ATG7: variants seen among roughly 807,000 people sequenced by gnomAD.
The protein encoded by ATG7 is autophagy related 7.
In ATG7, 70 loss-of-function variants were observed where a neutral mutation model predicts 82.4. That is an observed-to-expected ratio of 0.85 (90% CI 0.70 to 1.04). The LOEUF (loss-of-function observed/expected upper bound fraction) is 1.04. ATG7 is among the 50% of genes least tolerant of loss of function. The pLI is 0.00. For missense variants in ATG7, 792 were observed against 864.3 expected (o/e 0.92, Z 1.05); for synonymous variants, 287 against 313.0 (o/e 0.92, Z 0.88).
At chr3:11,307,144 C>T in intron 6 of ATG7, 84 bp downstream of exon 6, 1 of 1,251,924 alleles carries the variant, frequency 8.0e-7, no homozygotes, top group Non-Finnish European at 1.2e-6. Flanking sequence ...CATGGGTCTG[C>T]TGCAGAAACT....
intron 20 of ATG7, among the ~76,000 whole-genome samples, chr3:11,452,015 TG>T (rs968692370): frequency 1.7e-3 from 122 of 71,558 alleles, no homozygotes; most frequent in Non-Finnish European, 2.0e-3. Flanking sequence ...ACCAGGGACT[TG>T]GGGGGTTGGG....
intron 19 of ATG7, among the ~76,000 whole-genome samples, chr3:11,420,204 A>G (rs1303911650): frequency 6.6e-6 from 1 of 152,238 alleles, no homozygotes; most frequent in Non-Finnish European, 1.5e-5. Context: ...TTAACTTCAC[A>G]GCACATAAAA....
Position 11,423,586 on chromosome 3 carries a change from T to A in ATG7, c.1957-3218T>A, listed in dbSNP as rs1172832512. Among the ~76,000 whole-genome samples the A allele has an allele frequency of 2.0e-5, 3 of 152,232 alleles. No homozygotes were observed. The South Asian group carries it at 6.2e-4, about 32-fold the overall frequency. On this transcript the variant is annotated intron_variant, in intron 19 of 20. Coordinates refer to ENST00000693202, the MANE Select transcript of ATG7 (RefSeq NM_001349232.2). ...CATTCTGGTTTATAAGGAATCTTGTTATTACTGAGGAATTGAGTTATTTAT... is the reference window on the plus strand; with the variant it reads ...CATTCTGGTTTATAAGGAATCTTGTAATTACTGAGGAATTGAGTTATTTAT...
rs543292611 is a variant in ATG7, at chr3:11,527,157, T to C, written c.2080-27654T>C. 3.3e-5 allele frequency among the ~76,000 whole-genome samples: 5 copies of C among 150,886 alleles called. No homozygotes were observed. In the South Asian group the frequency reaches 1.0e-3, roughly 32 times the overall value. On this transcript the variant is annotated intron_variant, in intron 20 of 20. Coordinates refer to ENST00000693202, the MANE Select transcript of ATG7 (RefSeq NM_001349232.2). ...TCTCACTCTGTTGTCCAGGCTGGAGTACAGTAGCACGCTCTCGGCTCACTG... is the reference window on the plus strand; with the variant it reads ...TCTCACTCTGTTGTCCAGGCTGGAGCACAGTAGCACGCTCTCGGCTCACTG...
chr3:11,515,238 TG>T (rs2092232925), intron 20 of ATG7, among the ~76,000 whole-genome samples: 1 of 152,180 alleles, frequency 6.6e-6, no homozygotes. Context: ...CACTTTTCAG[TG>T]TGTTCATGTC....
the ATG7 span, among the ~76,000 whole-genome samples, chr3:11,573,035 G>T: frequency 2.0e-5 from 3 of 151,644 alleles, no homozygotes; most frequent in African/African-American, 4.8e-5. Context: ...GCTTGGTGGT[G>T]GGCGCCTGTA....
intron 18 of ATG7, among the ~76,000 whole-genome samples, chr3:11,378,325 A>T (rs541848022): frequency 3.0e-4 from 45 of 150,870 alleles, no homozygotes; most frequent in Middle Eastern, 6.8e-3. Context: ...CCAAATTTTT[A>T]AAATGTCTTT....
intron 15 of ATG7, 148 bp from the exon 16 acceptor site, chr3:11,360,433 G>T: frequency 2.8e-6 from 2 of 725,430 alleles, no homozygotes; most frequent in Middle Eastern, 4.0e-4. Flanking sequence ...CTCAGTAGTG[G>T]GTAGATTTTA....
intron 19 of ATG7, among the ~76,000 whole-genome samples, chr3:11,386,667 T>G (rs555168215): frequency 1.6e-4 from 24 of 152,360 alleles, no homozygotes; most frequent in Non-Finnish European, 4.4e-5. Context: ...AATCTCTGAT[T>G]TGGAAAATGA....
At chr3:11,305,482 T>C (rs1947572810) in intron 5 of ATG7, among the ~76,000 whole-genome samples, 1 of 152,250 alleles carries the variant, frequency 6.6e-6, no homozygotes, top group South Asian at 2.1e-4. Flanking sequence ...TTCCACATCC[T>C]GTTTCAGCAG....
intron 20 of ATG7, among the ~76,000 whole-genome samples, chr3:11,487,516 C>T (rs2089836436): frequency 2.2e-5 from 1 of 44,498 alleles, no homozygotes; most frequent in African/African-American, 8.8e-5. Flanking sequence ...CAGAGGGGCT[C>T]CTCACTTCCC....
rs997819932 is a variant in ATG7, at chr3:11,557,209, A to C, written c.*2366A>C. 1 of 152,798 alleles carries C rather than the reference A, an allele frequency of 6.5e-6. No homozygotes were observed. Among genetic ancestry groups the C allele is most frequent in the Non-Finnish European group, 1.5e-5 (1 of 68,044 alleles). The allele number at this position is 152,798 out of a possible 1,614,324, so 9.5% of individuals were successfully genotyped here. A position where few individuals can be genotyped will look rare whatever the true frequency, so the allele number is the denominator to read the frequency against. ...TGTGTCTGTCATGCTTGCTTCATCT[A>C]ATTTCTAGTTAGTAGCTATTAATAT... On this transcript the variant is annotated 3_prime_UTR_variant, in exon 21 of 21. Coordinates refer to ENST00000693202, the MANE Select transcript of ATG7 (RefSeq NM_001349232.2).
chr3:11,343,779 C>CCCGTTT (rs1218923166), intron 13 of ATG7, among the ~76,000 whole-genome samples: 1 of 152,128 alleles, frequency 6.6e-6, no homozygotes, highest in East Asian at 1.9e-4. Context: ...AAATGCTAAA[C>CCCGTTT]CCCCTTATAT....
At chr3:11,386,228 A>G (rs2078307167) in intron 19 of ATG7, among the ~76,000 whole-genome samples, 1 of 152,170 alleles carries the variant, frequency 6.6e-6, no homozygotes, top group Non-Finnish European at 1.5e-5. Context: ...CTCTATTGAC[A>G]CTTTATTAGC....
downstream of ATG7, among the ~76,000 whole-genome samples, chr3:11,561,133 C>G (rs986915321): frequency 6.8e-6 from 1 of 146,920 alleles, no homozygotes; most frequent in Non-Finnish European, 1.5e-5. Flanking sequence ...AGACCCCCCC[C>G]CAGGGTCCTC....
the ATG7 span, chr3:11,568,534 GAC>G: frequency 3.2e-6 from 5 of 1,544,452 alleles, no homozygotes; most frequent in Non-Finnish European, 3.5e-6. This position sits in a 1 kb window ranked among gnomAD's most constrained non-coding sequence, Gnocchi z 5.9. Flanking sequence ...GTCAGACAAA[GAC>G]ACTGAAAACA....
At chr3:11,377,798 C>T (rs1207404729) in intron 18 of ATG7, among the ~76,000 whole-genome samples, 1 of 152,038 alleles carries the variant, frequency 6.6e-6, no homozygotes, top group Non-Finnish European at 1.5e-5. Context: ...CTGTAACTTC[C>T]AGAGCTCGTG....
intron 20 of ATG7, among the ~76,000 whole-genome samples, chr3:11,536,997 G>T (rs2070367240): frequency 6.6e-6 from 1 of 151,888 alleles, no homozygotes. Flanking sequence ...GTCGCTTCCT[G>T]CCCGAGTTCT....
intron 20 of ATG7, among the ~76,000 whole-genome samples, chr3:11,509,414 C>A (rs2091928813): frequency 6.7e-6 from 1 of 150,250 alleles, no homozygotes; most frequent in African/African-American, 2.4e-5. Flanking sequence ...TTTTTAAGTG[C>A]CAAATTGTGA....
Sources: allele counts gnomAD v4.1 joint callset (sites outside exome capture counted in the v4.1 genomes callset), GRCh38; gene constraint gnomAD v4.1.1; non-coding constraint Gnocchi (gnomAD v3.1); transcripts MANE v1.5; gene names NCBI Gene and HGNC (gene_info 2026-07-23, HGNC 2026-07-21).